Variants in NTM observed in about 807,000 individuals in gnomAD.
NTM encodes the protein IgLON family member 2.
NTM carries 13 observed loss-of-function variants against 42.1 expected under a neutral mutation model. That is an observed-to-expected ratio of 0.31 (90% CI 0.20 to 0.49). The LOEUF (loss-of-function observed/expected upper bound fraction) is 0.49, where lower values mean the gene tolerates loss of function less well. Among genes scored for constraint, NTM ranks in the 20% least tolerant of loss-of-function variants. The pLI is 0.99. For missense variants in NTM, 373 were observed against 452.8 expected, an observed-to-expected ratio of 0.82 and a Z score of 1.60; for synonymous variants, 187 against 179.2, an observed-to-expected ratio of 1.04 and a Z score of -0.35.
At chr11:131,487,205 A>G (rs12221885) in intron 1 of NTM, among the ~76,000 whole-genome samples, 3,129 of 152,208 alleles carry the variant, frequency 0.021, 147 homozygotes, top group East Asian at 0.18. Context: ...TTCAAAGCAT[A>G]TGTTTATCTT....
chr11:131,915,523 A>C (rs898204247), intron 2 of NTM, among the ~76,000 whole-genome samples: 1 of 152,126 alleles, frequency 6.6e-6, no homozygotes, highest in African/African-American at 2.4e-5. Context: ...TCCTTACCAC[A>C]TTTCTCTATC....
At chr11:131,390,263 A>G (rs1943835261) in intron 1 of NTM, among the ~76,000 whole-genome samples, 1 of 152,146 alleles carries the variant, frequency 6.6e-6, no homozygotes, top group Non-Finnish European at 1.5e-5. Flanking sequence ...TTTCGAGTGA[A>G]TGAGAATCCA....
At chr11:131,826,875 C>T (rs1213660587) in intron 1 of NTM, among the ~76,000 whole-genome samples, 3 of 152,040 alleles carry the variant, frequency 2.0e-5, no homozygotes, top group Non-Finnish European at 2.9e-5. Context: ...CTTGCAAATC[C>T]AGGTGTGGAG....
chr11:131,485,435 C>T (rs1385164858), intron 1 of NTM, among the ~76,000 whole-genome samples: 1 of 152,092 alleles, frequency 6.6e-6, no homozygotes. Context: ...GGTGGGACTC[C>T]CCATCCAATC....
intron 6 of NTM, among the ~76,000 whole-genome samples, chr11:132,312,155 T>A (rs944583102): frequency 9.9e-5 from 15 of 152,134 alleles, no homozygotes; most frequent in African/African-American, 3.6e-4. Flanking sequence ...GAGGTCCTGG[T>A]CACAGCAAGT....
intron 1 of NTM, among the ~76,000 whole-genome samples, chr11:131,829,308 T>C (rs541286156): frequency 3.9e-5 from 6 of 152,142 alleles, no homozygotes; most frequent in Admixed American, 1.3e-4. Flanking sequence ...GAGAATAGTA[T>C]CCAATAGTTT....
At chr11:131,484,129 A>G (rs1323798327) in intron 1 of NTM, among the ~76,000 whole-genome samples, 5 of 152,110 alleles carry the variant, frequency 3.3e-5, no homozygotes, top group Admixed American at 3.3e-4. Flanking sequence ...AATACATCTA[A>G]AGTAGATCCA....
At chr11:131,576,315 C>T (rs1010419295) in intron 1 of NTM, among the ~76,000 whole-genome samples, 2 of 152,202 alleles carry the variant, frequency 1.3e-5, no homozygotes, top group African/African-American at 2.4e-5. Context: ...GAGGGCTCTT[C>T]TTTCAAAAGA....
chr11:131,789,172 C>T (rs1321878313), intron 1 of NTM, among the ~76,000 whole-genome samples: 1 of 151,788 alleles, frequency 6.6e-6, no homozygotes, highest in Admixed American at 6.6e-5. Flanking sequence ...TTCTAGCTTC[C>T]TGTGTTGCCG....
intron 1 of NTM, chr11:131,605,674 G>A (rs974062643): frequency 5.9e-6 from 2 of 337,484 alleles, no homozygotes; most frequent in Admixed American, 6.5e-5. Flanking sequence ...AACCCTGGGT[G>A]GTTTGTATGT....
At chr11:131,557,566 TCTTA>T (rs1202887491) in intron 1 of NTM, among the ~76,000 whole-genome samples, 1 of 152,202 alleles carries the variant, frequency 6.6e-6, no homozygotes, top group Admixed American at 6.5e-5. Context: ...AATAAACTTA[TCTTA>T]CTTCTAACCT....
At chr11:131,402,396 TA>T (rs56370339) in intron 1 of NTM, among the ~76,000 whole-genome samples, 109,268 of 145,592 alleles carry the variant, frequency 0.75, 41,025 homozygotes, top group Non-Finnish European at 0.82. Flanking sequence ...AACTAAGTCA[TA>T]AAAAAAAAAA....
chr11:131,844,695 A>G (rs558194839), intron 1 of NTM, among the ~76,000 whole-genome samples: 2 of 152,268 alleles, frequency 1.3e-5, no homozygotes, highest in East Asian at 1.9e-4. Flanking sequence ...CATGTTTTAT[A>G]CAGTCGGTTA....
intron 1 of NTM, among the ~76,000 whole-genome samples, chr11:131,846,486 A>C (rs1361797209): frequency 1.3e-5 from 2 of 152,158 alleles, no homozygotes; most frequent in Non-Finnish European, 2.9e-5. Context: ...ATTTTAAAAA[A>C]TCTCCCCTTA....
intron 2 of NTM, among the ~76,000 whole-genome samples, chr11:132,050,666 A>G (rs2078729107): frequency 6.6e-6 from 1 of 152,164 alleles, no homozygotes. Context: ...TGGAAGCTCC[A>G]TGAGGATGAA....
At chr11:132,014,738 T>TG (rs1399303751) in intron 2 of NTM, among the ~76,000 whole-genome samples, 1 of 107,196 alleles carries the variant, frequency 9.3e-6, no homozygotes, top group Non-Finnish European at 2.4e-5. Flanking sequence ...AATTACTTGT[T>TG]TTTTTTTTTT....
intron 4 of NTM, among the ~76,000 whole-genome samples, chr11:132,223,713 AT>A (rs1420956701): frequency 1.3e-5 from 2 of 152,266 alleles, no homozygotes; most frequent in Non-Finnish European, 2.9e-5. Context: ...TAAAATAAAC[AT>A]GAGTTTATAG....
chr11:132,134,745 A>ATC (rs1226357782), intron 2 of NTM, among the ~76,000 whole-genome samples: 20 of 114,120 alleles, frequency 1.8e-4, no homozygotes, highest in South Asian at 6.0e-4. Context: ...ATATATATAT[A>ATC]TATATATATA....
chr11:132,153,479 A>C (rs1232967022), intron 3 of NTM, among the ~76,000 whole-genome samples: 1 of 152,126 alleles, frequency 6.6e-6, no homozygotes, highest in Non-Finnish European at 1.5e-5. Flanking sequence ...AATTTTCCTC[A>C]TTACCGTATT....
Sources: gnomAD v4.1 joint callset for allele counts (sites outside exome capture counted in the v4.1 genomes callset) on GRCh38, gnomAD v4.1.1 for gene constraint, MANE v1.5 for transcripts, NCBI Gene and HGNC (gene_info 2026-07-23, HGNC 2026-07-21) for gene names.